The following AFF1 variants were observed in gnomAD, a reference collection of about 807,000 sequenced individuals.
AFF1 encodes AF4/FMR2 family member 1.
Under a neutral mutation model 121.7 loss-of-function variants are expected in AFF1, and 48 were observed. The observed-to-expected ratio is 0.39, with a 90% CI of 0.31 to 0.50. AFF1 has a LOEUF of 0.50. Ranked by LOEUF, AFF1 falls within the 20% of genes least tolerant of loss-of-function variation. The probability of loss-of-function intolerance (pLI) is 0.76; values close to 1 mark genes in which losing one functional copy is unlikely to be tolerated. For missense variants in AFF1, 1,523 were observed against 1,511.7 expected (o/e 1.01, Z -0.12); for synonymous variants, 613 against 563.0 (o/e 1.09, Z -1.26).
At chr4:86,945,497 A>ATTTTTTTTTTTT (rs34305215) in intron 1 of AFF1, among the ~76,000 whole-genome samples, 1 of 86,630 alleles carries the variant, frequency 1.2e-5, no homozygotes, top group African/African-American at 5.2e-5. Flanking sequence ...GCCTTTCCCA[A>ATTTTTTTTTTTT]TTTTTTTTTT....
rs559617258 is a variant in AFF1, at chr4:87,009,096, A to G, written c.39-37070A>G. ...GCCAGCGCTCTTAAACTAATGATAAAAATAAAATGAGACACAAGCTAAATT... is the reference window on the plus strand; with the variant it reads ...GCCAGCGCTCTTAAACTAATGATAAGAATAAAATGAGACACAAGCTAAATT... On this transcript the variant is annotated intron_variant, in intron 2 of 20. Coordinates refer to ENST00000395146, the MANE Select transcript of AFF1 (RefSeq NM_001166693.3). Among the ~76,000 whole-genome samples the G allele has an allele frequency of 3.3e-5, 5 of 152,354 alleles. No individual in the cohort carries two copies. The South Asian group carries it at 8.3e-4, about 25-fold the overall frequency.
chr4:86,971,291 G>C (rs776464420), intron 2 of AFF1, among the ~76,000 whole-genome samples: 1 of 152,144 alleles, frequency 6.6e-6, no homozygotes, highest in African/African-American at 2.4e-5. Flanking sequence ...CCGTTTCCTA[G>C]CATGCATTAT....
chr4:87,029,928 T>G (rs1029726120), intron 2 of AFF1, among the ~76,000 whole-genome samples: 1 of 152,192 alleles, frequency 6.6e-6, no homozygotes, highest in African/African-American at 2.4e-5. Context: ...TGGCACACTT[T>G]CCATCACACA....
chr4:87,114,882 C>T lies in AFF1; in HGVS notation c.2049C>T (p.Leu683=), dbSNP rs752741168. Residue 683 remains leucine (L), a synonymous_variant, in exon 12 of 21, where the codon CTC becomes CTT. Coordinates refer to ENST00000395146, the MANE Select transcript of AFF1 (RefSeq NM_001166693.3). ...AGAAGAAGAAGCACAAGAGCTCCCTCCCTGCCCCCTCTAAGGCTCTCTCAG... is the reference window on the plus strand; with the variant it reads ...AGAAGAAGAAGCACAAGAGCTCCCTTCCTGCCCCCTCTAAGGCTCTCTCAG... The part of the protein sequence containing the change: ...SSEKKKHKSS[L]PAPSKALSGP... 2 of 1,613,496 alleles carry T rather than the reference C, an allele frequency of 1.2e-6. No individual in the cohort carries two copies. The highest frequency in any genetic ancestry group is 1.7e-5 in the Admixed American group (1 of 59,912).
chr4:87,115,337 C>G, intron 12 of AFF1, 38 bp downstream of exon 12: 1 of 1,502,706 alleles, frequency 6.7e-7, no homozygotes, highest in Non-Finnish European at 8.9e-7. Flanking sequence ...CAGCGTGGAC[C>G]ATCCTTGCTG....
chr4:87,131,736 G>A, intron 17 of AFF1, 57 bp from the exon 18 acceptor site: 1 of 1,350,896 alleles, frequency 7.4e-7, no homozygotes. Context: ...AGCATAGTAA[G>A]TTGTATTTGT....
intron 4 of AFF1, among the ~76,000 whole-genome samples, chr4:87,069,554 T>A (rs1307284272): frequency 7.0e-6 from 1 of 143,564 alleles, no homozygotes; most frequent in Non-Finnish European, 1.5e-5. Context: ...TTCTCTCCCC[T>A]TTCCCTCTCC....
chr4:87,054,619 T>C (rs1462208400), intron 4 of AFF1, among the ~76,000 whole-genome samples: 1 of 152,222 alleles, frequency 6.6e-6, no homozygotes, highest in Non-Finnish European at 1.5e-5. Flanking sequence ...AGGAAATTGA[T>C]AGCAGAGTAA....
At chr4:87,119,620 C>T (rs1393451936) in intron 12 of AFF1, among the ~76,000 whole-genome samples, 1 of 152,088 alleles carries the variant, frequency 6.6e-6, no homozygotes, top group African/African-American at 2.4e-5. Context: ...CATGTGTGAG[C>T]CTTGCATTGT....
At chr4:87,066,408 GC>G (rs1018295412) in intron 4 of AFF1, among the ~76,000 whole-genome samples, 3 of 151,938 alleles carry the variant, frequency 2.0e-5, no homozygotes, top group African/African-American at 2.4e-5. Context: ...AACATAGACC[GC>G]CCCCCATCCC....
chr4:86,980,673 A>G (rs916553361), intron 2 of AFF1, among the ~76,000 whole-genome samples: 28 of 152,188 alleles, frequency 1.8e-4, no homozygotes, highest in African/African-American at 6.0e-4. Context: ...AAAAATGAAA[A>G]TGTGCATTCA....
intron 2 of AFF1, among the ~76,000 whole-genome samples, chr4:87,044,916 A>G (rs1730518140): frequency 6.6e-6 from 1 of 152,228 alleles, no homozygotes; most frequent in South Asian, 2.1e-4. Context: ...TTTTAATGCC[A>G]AAGCAAGAAT....
rs535278385 is a variant in AFF1, at chr4:87,095,250, T to A, written c.1283+281T>A. ...TCTCATGCGTCAGCCTCCTGAGTAGTTGGGACTACAGGTGCCCACCACCAT... is the reference window on the plus strand; with the variant it reads ...TCTCATGCGTCAGCCTCCTGAGTAGATGGGACTACAGGTGCCCACCACCAT... On this transcript the variant is annotated intron_variant, in intron 8 of 20. Transcript: ENST00000395146. Among the ~76,000 whole-genome samples the A allele has an allele frequency of 9.2e-5, 14 of 152,224 alleles. No homozygotes were observed. In the East Asian group the frequency reaches 2.7e-3, roughly 29 times the overall value.
chr4:87,071,905 A>G (rs1353697925), intron 4 of AFF1, among the ~76,000 whole-genome samples: 4 of 152,178 alleles, frequency 2.6e-5, no homozygotes, highest in African/African-American at 7.2e-5. Flanking sequence ...TTGTGCCTCA[A>G]AACACTGAAA....
chr4:87,088,468 G>A (rs236676), intron 5 of AFF1, among the ~76,000 whole-genome samples: 30,347 of 152,168 alleles, frequency 0.2, 3,271 homozygotes, highest in East Asian at 0.38. Context: ...CTGTTGCAAG[G>A]ATCAAATGGC....
intron 2 of AFF1, among the ~76,000 whole-genome samples, chr4:86,996,588 G>A (rs900626107): frequency 2.0e-5 from 3 of 151,094 alleles, no homozygotes; most frequent in East Asian, 1.9e-4. Flanking sequence ...CAAACACTGC[G>A]GAAGGCCGCA....
rs3035477 is a variant in AFF1 at position 86,963,963 on chromosome 4, G to GTTTTTTTTTTT, written c.38+15403_38+15413dup. 3.4e-3 allele frequency among the ~76,000 whole-genome samples: 352 copies of GTTTTTTTTTTT among 104,302 alleles called. 3 individuals carry two copies. Among genetic ancestry groups the GTTTTTTTTTTT allele is most frequent in the African/African-American group, 7.0e-3 (184 of 26,184 alleles). The allele number at this position is 104,302 out of a possible 152,430, so 68.4% of individuals were successfully genotyped here. ...GGTGTGAGTCACCATGACTAGACTG[G>GTTTTTTTTTTT]TTTTTTTTTTTTTTTTTTTTTAGTA... On this transcript the variant is annotated intron_variant, in intron 2 of 20. Transcript: ENST00000395146.
intron 2 of AFF1, among the ~76,000 whole-genome samples, chr4:87,029,398 C>CT (rs1424034346): frequency 6.6e-6 from 1 of 152,324 alleles, no homozygotes; most frequent in Non-Finnish European, 1.5e-5. Flanking sequence ...CCTCCTTACA[C>CT]TGTCAGCCTG....
Position 87,114,621 on chromosome 4 carries a change from G to A in AFF1, c.1788G>A (p.Pro596=), listed in dbSNP as rs771247476. Residue 596 remains proline (P), a synonymous_variant, in exon 12 of 21, where the codon CCG becomes CCA. Transcript: ENST00000395146. ...HPGKRSCQKS[P]AQQEPPQRQT... is the part of the protein sequence containing the mutation. ...GAAAGAGGAGCTGTCAGAAGTCTCC[G>A]GCACAGCAGGAGCCCCCACAAAGGC... 5.1e-6 allele frequency: 7 copies of A among 1,368,864 alleles called. No individual in the cohort carries two copies. In the Admixed American group the frequency reaches 6.2e-5, roughly 12 times the overall value. 84.8% of individuals were successfully genotyped at this position (1,368,864 alleles called of 1,614,324 possible).
Sources: gnomAD v4.1 joint callset for allele counts (sites outside exome capture counted in the v4.1 genomes callset) on GRCh38, gnomAD v4.1.1 for gene constraint, MANE v1.5 for transcripts, NCBI Gene and HGNC (gene_info 2026-07-23, HGNC 2026-07-21) for gene names.